GRIA4: variants seen among roughly 807,000 people sequenced by gnomAD.
GRIA4 encodes the protein glutamate receptor 4.
Under a neutral mutation model 104.0 loss-of-function variants are expected in GRIA4, and 34 were observed. The observed-to-expected ratio is 0.33, with a 90% CI of 0.25 to 0.44. The LOEUF is 0.44. GRIA4 is among the 20% of genes least tolerant of loss of function. GRIA4 has a pLI of 1.00. For synonymous variants in GRIA4, 386 were observed against 381.9 expected, an observed-to-expected ratio of 1.01 and a Z score of -0.13; for missense variants, 750 against 1,096.5, an observed-to-expected ratio of 0.68 and a Z score of 4.46.
chr11:105,802,438 C>T (rs1565247675), intron 4 of GRIA4, among the ~76,000 whole-genome samples: 1 of 152,192 alleles, frequency 6.6e-6, no homozygotes, highest in East Asian at 1.9e-4. Context: ...ACTTGATTAA[C>T]CTCTTCAATG....
At chr11:105,917,815 G>GGGGTGT (rs1555047932) in intron 10 of GRIA4, among the ~76,000 whole-genome samples, 11 of 142,780 alleles carry the variant, frequency 7.7e-5, no homozygotes, top group East Asian at 2.1e-4. Context: ...TTGGTTTAAG[G>GGGGTGT]GTGTGTGTGT....
chr11:105,648,155 A>T (rs954561278), intron 3 of GRIA4, among the ~76,000 whole-genome samples: 1 of 151,916 alleles, frequency 6.6e-6, no homozygotes, highest in East Asian at 1.9e-4. Context: ...AGTGGAGGAA[A>T]GTATGATAAA....
intron 4 of GRIA4, among the ~76,000 whole-genome samples, chr11:105,805,461 G>A (rs559099623): frequency 2.3e-4 from 29 of 127,764 alleles, no homozygotes; most frequent in Non-Finnish European, 3.9e-4. Flanking sequence ...AAGACCAAGT[G>A]GAGAGCAAGA....
rs1251213161 is a variant in GRIA4, at chr11:105,904,097, A to AT, written c.1053+117dup. On this transcript the variant is annotated intron_variant, in intron 8 of 16. Coordinates refer to ENST00000282499, the MANE Select transcript of GRIA4 (RefSeq NM_000829.4). ...TACATATTACAATTGCTACTTAAAT[A>AT]TATCAAGCCATCATTTTTGGAACAT... The AT allele has an allele frequency of 1.6e-5, 11 of 691,080 alleles. No individual in the cohort carries two copies. In the East Asian group the frequency reaches 2.7e-4, roughly 17 times the overall value. 42.8% of individuals were successfully genotyped at this position (691,080 alleles called of 1,614,324 possible).
chr11:105,824,098 C>A lies in GRIA4; in HGVS notation c.488-37926C>A, dbSNP rs140152491. Among the ~76,000 whole-genome samples the A allele has an allele frequency of 3.0e-3, 454 of 152,204 alleles. 1 individual carries two copies. The highest frequency in any genetic ancestry group is 0.024 in the Middle Eastern group (7 of 294). Reference sequence around the variant, plus strand: ...GACAGCCTGATCTTGGACTTCTAATCTCCGGAACTGTGAAAAAGAAATCTC... The same window carrying A: ...GACAGCCTGATCTTGGACTTCTAATATCCGGAACTGTGAAAAAGAAATCTC... On this transcript the variant is annotated intron_variant, in intron 4 of 16. Transcript: ENST00000282499.
At chr11:105,875,450 C>T (rs755971051) in intron 5 of GRIA4, among the ~76,000 whole-genome samples, 8 of 152,196 alleles carry the variant, frequency 5.3e-5, no homozygotes, top group Non-Finnish European at 8.8e-5. Flanking sequence ...GGGAGGAGTC[C>T]TTCTTTTTCT....
chr11:105,665,302 C>T (rs185833971), intron 3 of GRIA4, among the ~76,000 whole-genome samples: 2 of 152,026 alleles, frequency 1.3e-5, no homozygotes, highest in Admixed American at 1.3e-4. Context: ...TAACTTAAGA[C>T]AATTACCTTA....
intron 4 of GRIA4, among the ~76,000 whole-genome samples, chr11:105,757,510 A>G (rs1785740885): frequency 6.6e-6 from 1 of 152,196 alleles, no homozygotes; most frequent in South Asian, 2.1e-4. Flanking sequence ...GACAGAATGA[A>G]GAAATCCTAG....
intron 9 of GRIA4, among the ~76,000 whole-genome samples, chr11:105,906,735 C>T (rs1193677577): frequency 6.6e-6 from 1 of 152,124 alleles, no homozygotes; most frequent in African/African-American, 2.4e-5. Context: ...CCCAGCTGCA[C>T]CTCACAGCAG....
intron 14 of GRIA4, among the ~76,000 whole-genome samples, chr11:105,951,099 T>C (rs1948445165): frequency 1.3e-5 from 2 of 152,168 alleles, no homozygotes; most frequent in South Asian, 4.1e-4. Flanking sequence ...TTCTAAGTCT[T>C]TAAAGCAATT....
intron 4 of GRIA4, chr11:105,797,657 A>G (rs1255782497): frequency 2.9e-5 from 9 of 307,100 alleles, no homozygotes; most frequent in Non-Finnish European, 6.6e-6. Context: ...CCTTAAATCA[A>G]CTTAATCGTG....
intron 4 of GRIA4, among the ~76,000 whole-genome samples, chr11:105,768,523 A>T (rs983742297): frequency 1.7e-4 from 26 of 152,124 alleles, no homozygotes; most frequent in Non-Finnish European, 2.2e-4. Context: ...CGTAAAAAAA[A>T]TCTTTCAAAA....
intron 4 of GRIA4, among the ~76,000 whole-genome samples, chr11:105,772,042 T>C (rs934255622): frequency 6.6e-6 from 1 of 152,092 alleles, no homozygotes; most frequent in African/African-American, 2.4e-5. Flanking sequence ...TACATACTAA[T>C]CCACTGTAAT....
chr11:105,779,054 C>T (rs558041242), intron 4 of GRIA4, among the ~76,000 whole-genome samples: 11 of 148,808 alleles, frequency 7.4e-5, no homozygotes, highest in South Asian at 2.2e-4. Context: ...TTTGTCCTTG[C>T]GATAGTTTGC....
chr11:105,929,863 T>G (rs936196264), intron 13 of GRIA4, among the ~76,000 whole-genome samples: 1 of 152,126 alleles, frequency 6.6e-6, no homozygotes. Context: ...ATTCTTTTAA[T>G]TCCAAGAATT....
At chr11:105,876,317 G>A (rs1329979057) in intron 5 of GRIA4, among the ~76,000 whole-genome samples, 1 of 152,106 alleles carries the variant, frequency 6.6e-6, no homozygotes, top group Non-Finnish European at 1.5e-5. Flanking sequence ...ATTTGCTAGG[G>A]AGTACTTTAC....
chr11:105,923,569 G>C (rs1947626230), intron 11 of GRIA4, among the ~76,000 whole-genome samples: 1 of 152,078 alleles, frequency 6.6e-6, no homozygotes, highest in Admixed American at 6.6e-5. Context: ...ACCTTATTAA[G>C]GCTTCTAATA....
intron 3 of GRIA4, among the ~76,000 whole-genome samples, chr11:105,750,503 A>T (rs936736024): frequency 6.6e-6 from 1 of 152,078 alleles, no homozygotes; most frequent in African/African-American, 2.4e-5. Context: ...TGAAAAGGAG[A>T]ATAAATAGAA....
At chr11:105,795,226 G>C (rs1942432260) in intron 4 of GRIA4, among the ~76,000 whole-genome samples, 1 of 152,088 alleles carries the variant, frequency 6.6e-6, no homozygotes, top group African/African-American at 2.4e-5. Flanking sequence ...AATAGGTTAA[G>C]GATACCAGAA....
Sources: allele counts gnomAD v4.1 joint callset (sites outside exome capture counted in the v4.1 genomes callset), GRCh38; gene constraint gnomAD v4.1.1; transcripts MANE v1.5; gene names NCBI Gene and HGNC (gene_info 2026-07-23, HGNC 2026-07-21).